The following SLC22A23 variants were observed in gnomAD, a reference collection of about 807,000 sequenced individuals.
The protein encoded by SLC22A23 is ion transporter protein.
A neutral mutation model predicts 61.0 loss-of-function variants in SLC22A23; 26 were observed. The observed-to-expected ratio is 0.43, with a 90% CI of 0.31 to 0.59. SLC22A23 has a LOEUF of 0.59. SLC22A23 is among the 20% of genes least tolerant of loss of function. SLC22A23 has a pLI of 0.11. For missense variants in SLC22A23, 796 were observed against 934.7 expected, an observed-to-expected ratio of 0.85 and a Z score of 1.94; for synonymous variants, 430 against 413.9, an observed-to-expected ratio of 1.04 and a Z score of -0.47.
intron 4 of SLC22A23, among the ~76,000 whole-genome samples, chr6:3,319,759 C>T (rs183312739): frequency 4.9e-4 from 74 of 152,302 alleles, no homozygotes; most frequent in Middle Eastern, 6.8e-3. Flanking sequence ...AATTTTCTTC[C>T]GTGTGAGTCC....
intron 1 of SLC22A23, among the ~76,000 whole-genome samples, chr6:3,419,454 T>C (rs1281804469): frequency 6.6e-6 from 1 of 152,206 alleles, no homozygotes; most frequent in African/African-American, 2.4e-5. Flanking sequence ...GCCAATCAGG[T>C]GCACACCCCA....
chr6:3,310,366 ACTC>A (rs1762299664), intron 4 of SLC22A23, among the ~76,000 whole-genome samples: 1 of 70,114 alleles, frequency 1.4e-5, no homozygotes, highest in Non-Finnish European at 3.3e-5. Context: ...CCTGTCTCCC[ACTC>A]GAGCACCCTG....
intron 5 of SLC22A23, among the ~76,000 whole-genome samples, chr6:3,296,289 T>C (rs1761085351): frequency 6.6e-6 from 1 of 152,172 alleles, no homozygotes; most frequent in Non-Finnish European, 1.5e-5. Context: ...TCCAGAGCTC[T>C]CCCTCATGTT....
chr6:3,308,896 T>C lies in SLC22A23; in HGVS notation c.1083-10678A>G, dbSNP rs1030128817. On this transcript the variant is annotated intron_variant, in intron 4 of 9. Transcript: ENST00000406686. This position sits in a 1 kb window ranked among gnomAD's most constrained non-coding sequence, Gnocchi z 5.1. ...AGGCAGAGGTTGCAGTGAGCCGAGA[T>C]TGTGCCACTGCACTCCAGCCTGGGC... Among the ~76,000 whole-genome samples the C allele has an allele frequency of 6.6e-6, 1 of 151,674 alleles. No individual in the cohort carries two copies. Among genetic ancestry groups the C allele is most frequent in the East Asian group, 2.0e-4 (1 of 5,128 alleles).
chr6:3,306,112 G>A (rs1296267074), intron 4 of SLC22A23, among the ~76,000 whole-genome samples: 3 of 152,196 alleles, frequency 2.0e-5, no homozygotes, highest in Non-Finnish European at 4.4e-5. Context: ...AGGGCAAGGG[G>A]AGCTGGCATG....
intron 1 of SLC22A23, among the ~76,000 whole-genome samples, chr6:3,422,536 T>C (rs546244334): frequency 1.5e-4 from 23 of 152,278 alleles, no homozygotes; most frequent in African/African-American, 4.8e-4. Flanking sequence ...ACTCAAGATA[T>C]ACTGCATGAC....
chr6:3,432,427 G>A (rs1770928368), intron 1 of SLC22A23: 6 of 981,552 alleles, frequency 6.1e-6, no homozygotes, highest in Non-Finnish European at 7.3e-6. Context: ...CCTTGCTGTT[G>A]TGTACAACTG....
At chr6:3,376,879 T>G (rs1766604547) in intron 3 of SLC22A23, among the ~76,000 whole-genome samples, 1 of 151,880 alleles carries the variant, frequency 6.6e-6, no homozygotes, top group African/African-American at 2.4e-5. Context: ...GCCTTCTGAG[T>G]TGGTCCCTGA....
At chr6:3,284,206 C>T in intron 8 of SLC22A23, 1 of 420,288 alleles carries the variant, frequency 2.4e-6, no homozygotes, top group Non-Finnish European at 4.4e-6. Flanking sequence ...CATGCTGAAG[C>T]TCATGGTGGC....
chr6:3,371,748 A>G (rs889128281), intron 3 of SLC22A23, among the ~76,000 whole-genome samples: 2 of 152,228 alleles, frequency 1.3e-5, no homozygotes, highest in African/African-American at 4.8e-5. Flanking sequence ...TAAAGCAGTA[A>G]CAACTAACCC....
In SLC22A23 at chr6:3,372,252, T is replaced by C. The variant is rs1079286; in HGVS notation, c.913+37936A>G. 0.78 allele frequency among the ~76,000 whole-genome samples: 119,402 copies of C among 152,124 alleles called. 47,584 individuals carry two copies. Among genetic ancestry groups the C allele is most frequent in the African/African-American group, 0.91 (37,993 of 41,528 alleles). Reference sequence around the variant, plus strand: ...GAAGTCTGAAGCAGGGTAAACACCATCGGGCCAGTAAATCTTGTCCATCTA... The same window carrying C: ...GAAGTCTGAAGCAGGGTAAACACCACCGGGCCAGTAAATCTTGTCCATCTA... On this transcript the variant is annotated intron_variant, in intron 3 of 9. Transcript: ENST00000406686. This position sits in a 1 kb window ranked among gnomAD's most constrained non-coding sequence, Gnocchi z 4.7.
chr6:3,412,569 C>T (rs935833770), intron 2 of SLC22A23, among the ~76,000 whole-genome samples: 8 of 152,176 alleles, frequency 5.3e-5, no homozygotes, highest in African/African-American at 1.7e-4. Context: ...AGTCCTTGTC[C>T]GTAATGCAGA....
In SLC22A23 at chr6:3,287,085, C is replaced by T. The variant is rs374488596; in HGVS notation, c.1320G>A (p.Thr440=). Reference sequence around the variant, plus strand: ...CAAAGCAGTGGTGGATCCCGTACCCCGTCAGCCTGTGGAGACATACCGAGC... The same window carrying T: ...CAAAGCAGTGGTGGATCCCGTACCCTGTCAGCCTGTGGAGACATACCGAGC... ...NIVVLCVNSL[T]GYGIHHCFAR... The change falls in exon 7 of 10, where the codon ACG becomes ACA. Residue 440 remains threonine (T), a synonymous_variant. Transcript: ENST00000406686. 28 of 1,614,014 alleles carry T rather than the reference C, an allele frequency of 1.7e-5. No individual in the cohort carries two copies. The highest frequency in any genetic ancestry group is 1.7e-4 in the Middle Eastern group (1 of 6,060).
At chr6:3,422,147 A>C (rs1431056827) in intron 1 of SLC22A23, among the ~76,000 whole-genome samples, 1 of 152,228 alleles carries the variant, frequency 6.6e-6, no homozygotes, top group Non-Finnish European at 1.5e-5. Flanking sequence ...TACTGCTTAA[A>C]ACTTCAAAAG....
intron 3 of SLC22A23, among the ~76,000 whole-genome samples, chr6:3,334,738 G>T (rs1212182081): frequency 6.6e-6 from 1 of 152,230 alleles, no homozygotes; most frequent in African/African-American, 2.4e-5. Flanking sequence ...TGCTTGCCCA[G>T]TTTAAAGGCC....
chr6:3,320,219 C>G (rs1243618127), intron 4 of SLC22A23, among the ~76,000 whole-genome samples: 1 of 152,186 alleles, frequency 6.6e-6, no homozygotes, highest in East Asian at 1.9e-4. Flanking sequence ...CCTTCTTTCC[C>G]TGGAGCTCAG....
intron 4 of SLC22A23, among the ~76,000 whole-genome samples, chr6:3,305,920 G>A (rs555114618): frequency 2.6e-5 from 4 of 152,328 alleles, no homozygotes; most frequent in Admixed American, 6.5e-5. Context: ...GCAAACTGGA[G>A]GAGTCCCATT....
chr6:3,398,583 C>T (rs763331161), intron 3 of SLC22A23, among the ~76,000 whole-genome samples: 3 of 151,694 alleles, frequency 2.0e-5, no homozygotes, highest in Non-Finnish European at 2.9e-5. Flanking sequence ...GATTCAGAGG[C>T]CCTCTGAGCT....
intron 5 of SLC22A23, among the ~76,000 whole-genome samples, chr6:3,295,583 G>A: frequency 6.6e-6 from 1 of 152,224 alleles, no homozygotes; most frequent in Admixed American, 6.5e-5. Context: ...CAGGGCGCGA[G>A]AGGGTGACAG....
Sources: gnomAD v4.1 joint callset for allele counts (sites outside exome capture counted in the v4.1 genomes callset) on GRCh38, gnomAD v4.1.1 for gene constraint, Gnocchi (gnomAD v3.1) non-coding constraint, MANE v1.5 for transcripts, NCBI Gene and HGNC (gene_info 2026-07-23, HGNC 2026-07-21) for gene names.